EZH1: variants seen among roughly 807,000 people sequenced by gnomAD.
EZH1 encodes enhancer of zeste 1 polycomb repressive complex 2 subunit, also known as histone-lysine N-methyltransferase EZH1.
Under a neutral mutation model 100.5 loss-of-function variants are expected in EZH1, and 33 were observed. The ratio of observed to expected loss-of-function variants is 0.33; its 90% confidence interval spans 0.25 to 0.44. EZH1 has a LOEUF of 0.44. Among genes scored for constraint, EZH1 ranks in the 20% least tolerant of loss-of-function variants. The pLI, the probability that EZH1 is intolerant of heterozygous loss-of-function variation, is 1.00. For missense variants in EZH1, 475 were observed against 928.4 expected, an observed-to-expected ratio of 0.51 and a Z score of 6.35; for synonymous variants, 272 against 313.8, an observed-to-expected ratio of 0.87 and a Z score of 1.41.
chr17:42,708,790 C>T (rs1168976167), intron 14 of EZH1, 86 bp downstream of exon 14: 47 of 1,435,176 alleles, frequency 3.3e-5, no homozygotes, highest in Non-Finnish European at 4.2e-5. Context: ...ACAGGGTCAA[C>T]AAGTGCAGCT....
chr17:42,711,475 A>AAAAAC (rs1177028643), intron 12 of EZH1, among the ~76,000 whole-genome samples: 2 of 151,290 alleles, frequency 1.3e-5, no homozygotes, highest in Non-Finnish European at 2.9e-5. Flanking sequence ...TCCATCTCAA[A>AAAAAC]AAAACAAAAC....
Position 42,727,804 on chromosome 17 carries a change from TATTA to T in EZH1, c.118-45_118-42del, listed in dbSNP as rs778563287. 1.7e-5 allele frequency: 23 copies of T among 1,347,632 alleles called. No individual in the cohort carries two copies. The South Asian group carries it at 3.1e-4, about 18-fold the overall frequency. 83.5% of individuals were successfully genotyped at this position (1,347,632 alleles called of 1,614,324 possible). On this transcript the variant is annotated intron_variant, in intron 3 of 20. Transcript: ENST00000428826. ...AAAAGATTAAGATATATTGTTATTT[TATTA>T]ATTAATTAATAATTTATTTTTTTGA...
At chr17:42,705,921 A>G (rs898851875) in intron 16 of EZH1, 86 bp downstream of exon 16, 9 of 1,335,760 alleles carry the variant, frequency 6.7e-6, no homozygotes, top group Non-Finnish European at 9.0e-6. Flanking sequence ...AAGCCTCAAA[A>G]GAACCAGTGG....
chr17:42,741,570 A>C (rs1175238019), intron 1 of EZH1, among the ~76,000 whole-genome samples: 1 of 152,210 alleles, frequency 6.6e-6, no homozygotes, highest in African/African-American at 2.4e-5. Context: ...TAATGACATG[A>C]ATTGTTACAT....
chr17:42,727,257 C>T (rs552789304), intron 4 of EZH1, among the ~76,000 whole-genome samples: 21 of 152,026 alleles, frequency 1.4e-4, no homozygotes, highest in African/African-American at 4.8e-4. Flanking sequence ...CCTTTCTTTC[C>T]TTTTTCTTTT....
At chr17:42,737,274 C>T (rs777916335) in intron 1 of EZH1, among the ~76,000 whole-genome samples, 11 of 152,330 alleles carry the variant, frequency 7.2e-5, no homozygotes, top group South Asian at 2.1e-4. Context: ...GCGTGAGCCA[C>T]CGCGCCCAGC....
At chr17:42,732,193 G>T (rs1239661817) in intron 1 of EZH1, among the ~76,000 whole-genome samples, 1 of 152,100 alleles carries the variant, frequency 6.6e-6, no homozygotes, top group Non-Finnish European at 1.5e-5. Flanking sequence ...AATGTGCAGT[G>T]GCTCATGCCT....
chr17:42,731,089 C>A (rs969816807), intron 1 of EZH1, among the ~76,000 whole-genome samples, 171 bp from the exon 2 acceptor site: 1 of 151,804 alleles, frequency 6.6e-6, no homozygotes, highest in African/African-American at 2.4e-5. Context: ...GGGAAGAGGC[C>A]CTTTACTTTA....
At chr17:42,721,622 A>G (rs1479304164) in intron 6 of EZH1, among the ~76,000 whole-genome samples, 2 of 152,100 alleles carry the variant, frequency 1.3e-5, no homozygotes, top group East Asian at 1.9e-4. Flanking sequence ...TAACTAGGAT[A>G]CTTTAAATAA....
chr17:42,704,548 A>T, intron 18 of EZH1, 54 bp downstream of exon 18: 3 of 1,481,526 alleles, frequency 2.0e-6, no homozygotes, highest in Non-Finnish European at 2.8e-6. Flanking sequence ...ACTCCGTCTC[A>T]AAAAAAGAAA....
chr17:42,740,132 C>T (rs890025091), intron 1 of EZH1, among the ~76,000 whole-genome samples: 2 of 152,106 alleles, frequency 1.3e-5, no homozygotes, highest in Non-Finnish European at 2.9e-5. Context: ...CACTGCACTT[C>T]GACCTCCCAG....
At chr17:42,744,410 G>A (rs2054238333) in intron 1 of EZH1, among the ~76,000 whole-genome samples, 1 of 152,132 alleles carries the variant, frequency 6.6e-6, no homozygotes, top group African/African-American at 2.4e-5. Context: ...CCAGGCCTGG[G>A]GTGAGGCGAC....
chr17:42,738,952 T>C (rs1431818520), intron 1 of EZH1, among the ~76,000 whole-genome samples: 1 of 149,286 alleles, frequency 6.7e-6, no homozygotes, highest in African/African-American at 2.5e-5. Context: ...GAGGCGGGGT[T>C]TCACCATGTT....
At chr17:42,732,952 G>A (rs2053981194) in intron 1 of EZH1, among the ~76,000 whole-genome samples, 1 of 148,552 alleles carries the variant, frequency 6.7e-6, no homozygotes, top group Non-Finnish European at 1.5e-5. Flanking sequence ...ACTCTGTCAC[G>A]TGCAATGGCT....
intron 13 of EZH1, 115 bp downstream of exon 13, chr17:42,709,731 C>T (rs532139596): frequency 2.2e-6 from 2 of 916,712 alleles, no homozygotes; most frequent in East Asian, 2.5e-5. Context: ...AGCTGATGGG[C>T]TCACACAGCC....
chr17:42,738,417 TTTTTAA>T (rs1183029314), intron 1 of EZH1, among the ~76,000 whole-genome samples: 3 of 151,956 alleles, frequency 2.0e-5, no homozygotes, highest in Non-Finnish European at 2.9e-5. Flanking sequence ...AGATTTTTAT[TTTTTAA>T]TTTTATTTAT....
At position 42,722,814 on chromosome 17, in the gene EZH1, C is replaced by T; in HGVS notation, c.468G>A (p.Gly156=). 2 of 1,613,884 alleles carry T rather than the reference C, an allele frequency of 1.2e-6. No individual in the cohort carries two copies. The highest frequency in any genetic ancestry group is 1.1e-5 in the South Asian group (1 of 91,056). The change falls in exon 6 of 21, where the codon GGG becomes GGA. Residue 156 remains glycine (G), a synonymous_variant. Coordinates refer to ENST00000428826, the MANE Select transcript of EZH1 (RefSeq NM_001991.5). ...FIEELINNYD[G]KVHGEEEMIP... is the part of the protein sequence containing the mutation. ...CACTACCTTCTTCACCATGGACTTT[C>T]CCATCATAGTTATTGATCAGCTCCT...
intron 5 of EZH1, 22 bp downstream of exon 5, chr17:42,724,282 AC>A (rs749187029): frequency 1.8e-5 from 29 of 1,612,824 alleles, no homozygotes; most frequent in Non-Finnish European, 2.4e-5. Flanking sequence ...TTAAATAACC[AC>A]CACAGTGCTT....
Position 42,708,936 on chromosome 17 carries a change from C to G in EZH1, c.1494-20G>C. 6.2e-7 allele frequency: 1 copy of G among 1,614,204 alleles called. No individual in the cohort carries two copies. The highest frequency in any genetic ancestry group is 8.5e-7 in the Non-Finnish European group (1 of 1,180,038). On this transcript the variant is annotated intron_variant, in intron 13 of 20. Coordinates refer to ENST00000428826, the MANE Select transcript of EZH1 (RefSeq NM_001991.5). ...CACAATCTGAAAAAGACAGGAAGGA[C>G]AGGTCTCAGTCACGGCCCTAGGGAG...
Sources: allele counts gnomAD v4.1 joint callset (sites outside exome capture counted in the v4.1 genomes callset), GRCh38; gene constraint gnomAD v4.1.1; transcripts MANE v1.5; gene names NCBI Gene and HGNC (gene_info 2026-07-23, HGNC 2026-07-21).